Variants in DGKB observed in about 807,000 individuals in gnomAD.
DGKB encodes the protein diacylglycerol kinase beta.
In DGKB, 67 loss-of-function variants were observed where a neutral mutation model predicts 114.3. That is an observed-to-expected ratio of 0.59 (90% CI 0.48 to 0.72). DGKB has a LOEUF of 0.72. DGKB is among the 30% of genes least tolerant of loss of function. The pLI is 0.00. For missense variants in DGKB, 907 were observed against 975.2 expected (o/e 0.93, Z 0.93); for synonymous variants, 398 against 323.1 (o/e 1.23, Z -2.49).
chr7:14,870,294 A>C (rs1160106705), intron 1 of DGKB, among the ~76,000 whole-genome samples: 1 of 152,132 alleles, frequency 6.6e-6, no homozygotes, highest in Admixed American at 6.6e-5. Flanking sequence ...TCTGCATTTT[A>C]TGTGCTCAAA....
intron 1 of DGKB, among the ~76,000 whole-genome samples, chr7:14,919,326 T>C (rs1006169271): frequency 4.6e-5 from 7 of 151,948 alleles, no homozygotes; most frequent in Non-Finnish European, 2.9e-5. Context: ...AGAAATATAG[T>C]CAACTGATGA....
At chr7:14,334,399 C>T (rs7803712) in intron 23 of DGKB, among the ~76,000 whole-genome samples, 41,124 of 88,264 alleles carry the variant, frequency 0.47, 8,807 homozygotes, top group African/African-American at 0.67. Flanking sequence ...TGTGTGTGCG[C>T]GCGCGTGTAT....
rs530354780 is a variant in DGKB, at chr7:14,355,911, C to CT, written c.1836-10521dup. 1.9e-3 allele frequency among the ~76,000 whole-genome samples: 283 copies of CT among 152,150 alleles called. 1 individual carries two copies. Among genetic ancestry groups the CT allele is most frequent in the African/African-American group, 6.6e-3 (276 of 41,516 alleles). ...GGCTGTGAATCCAGCTGGTCCTGGA[C>CT]TTTTTTTGGTTGGTAGGCTATTAAT... On this transcript the variant is annotated intron_variant, in intron 21 of 25. Transcript: ENST00000402815.
At chr7:14,521,839 G>A (rs1230098260) in intron 20 of DGKB, among the ~76,000 whole-genome samples, 2 of 151,978 alleles carry the variant, frequency 1.3e-5, no homozygotes, top group East Asian at 1.9e-4. Context: ...ATAATTTTCT[G>A]TTGAATATTG....
chr7:14,891,656 G>A (rs1781245760), intron 1 of DGKB, among the ~76,000 whole-genome samples: 1 of 151,344 alleles, frequency 6.6e-6, no homozygotes, highest in South Asian at 2.1e-4. Flanking sequence ...CGTCATTGAG[G>A]ATATTAATGA....
intron 20 of DGKB, among the ~76,000 whole-genome samples, chr7:14,573,463 ATC>A (rs1298438996): frequency 1.2e-4 from 16 of 128,632 alleles, no homozygotes; most frequent in Admixed American, 6.5e-4. Flanking sequence ...TTTATAATCT[ATC>A]TCTGTGTGTG....
chr7:14,832,829 T>C (rs1156483124), intron 2 of DGKB, among the ~76,000 whole-genome samples: 1 of 152,044 alleles, frequency 6.6e-6, no homozygotes, highest in Non-Finnish European at 1.5e-5. Context: ...TGATAACTAC[T>C]CACAATGCAA....
At chr7:14,223,565 T>C (rs1043310075) in intron 23 of DGKB, among the ~76,000 whole-genome samples, 2 of 151,830 alleles carry the variant, frequency 1.3e-5, no homozygotes, top group Non-Finnish European at 2.9e-5. Context: ...ATTTATACTA[T>C]CTTTTATAAT....
At chr7:14,155,214 C>T (rs1230773679) in intron 25 of DGKB, among the ~76,000 whole-genome samples, 2 of 151,996 alleles carry the variant, frequency 1.3e-5, no homozygotes, top group East Asian at 3.9e-4. Context: ...TCTAGGCCCC[C>T]AAAACACATG....
intron 20 of DGKB, among the ~76,000 whole-genome samples, chr7:14,552,397 G>A (rs771518310): frequency 1.3e-5 from 2 of 152,176 alleles, no homozygotes; most frequent in African/African-American, 4.8e-5. Flanking sequence ...TAAGTACACT[G>A]TCAGAAGTAG....
chr7:14,852,478 A>G, intron 1 of DGKB, among the ~76,000 whole-genome samples: 1 of 147,888 alleles, frequency 6.8e-6, no homozygotes, highest in Admixed American at 6.7e-5. Context: ...TAGCTAAAAT[A>G]GTGAAAGTCA....
At chr7:14,459,576 A>G (rs1832778263) in intron 21 of DGKB, among the ~76,000 whole-genome samples, 1 of 152,158 alleles carries the variant, frequency 6.6e-6, no homozygotes, top group Non-Finnish European at 1.5e-5. Flanking sequence ...AGGAATGAAC[A>G]AAGCCTCCAA....
chr7:14,537,806 C>T (rs1366099659), intron 20 of DGKB, among the ~76,000 whole-genome samples: 2 of 152,096 alleles, frequency 1.3e-5, no homozygotes, highest in African/African-American at 2.4e-5. Context: ...CTGGGCTGGG[C>T]GCGGTGGCTC....
chr7:14,209,311 A>G, intron 23 of DGKB: 1 of 276,574 alleles, frequency 3.6e-6, no homozygotes, highest in Non-Finnish European at 7.2e-6. Flanking sequence ...ATTAAGTAGC[A>G]TTGAAATTCC....
intron 1 of DGKB, among the ~76,000 whole-genome samples, chr7:14,873,418 C>G (rs1415384188): frequency 2.0e-5 from 3 of 151,916 alleles, no homozygotes; most frequent in African/African-American, 7.2e-5. Context: ...TTTAATTTTT[C>G]TATATTCTGA....
chr7:14,226,231 T>C (rs1450128418), intron 23 of DGKB, among the ~76,000 whole-genome samples: 1 of 151,956 alleles, frequency 6.6e-6, no homozygotes, highest in Non-Finnish European at 1.5e-5. Flanking sequence ...AAAAATGCTA[T>C]TACAAACATA....
intron 23 of DGKB, among the ~76,000 whole-genome samples, chr7:14,279,633 T>C (rs1436951083): frequency 2.0e-5 from 3 of 151,958 alleles, no homozygotes; most frequent in Admixed American, 6.5e-5. Flanking sequence ...GCTGTTAGTC[T>C]GATGGGCTTC....
chr7:14,654,272 G>T lies in DGKB; in HGVS notation c.1134+18657C>A, dbSNP rs1585384107. ...GCTAGCTGAAAAGGAACTGGAGAAG[G>T]AAATCCCATTTATAATAGCTTAAAT... On this transcript the variant is annotated intron_variant, in intron 13 of 25. Coordinates refer to ENST00000402815, the MANE Select transcript of DGKB (RefSeq NM_001350709.2). Among the ~76,000 whole-genome samples, 3 of 151,982 alleles carry T rather than the reference G, an allele frequency of 2.0e-5. No homozygotes were observed. In the South Asian group the frequency reaches 6.2e-4, roughly 32 times the overall value.
chr7:14,609,051 A>G (rs62445599), intron 16 of DGKB, among the ~76,000 whole-genome samples: 66 of 152,214 alleles, frequency 4.3e-4, no homozygotes, highest in Non-Finnish European at 7.8e-4. Flanking sequence ...TCAAAGACTT[A>G]GAAGAAAACT....
Sources: allele counts gnomAD v4.1 joint callset (sites outside exome capture counted in the v4.1 genomes callset), GRCh38; gene constraint gnomAD v4.1.1; transcripts MANE v1.5; gene names NCBI Gene and HGNC (gene_info 2026-07-23, HGNC 2026-07-21).